The following NEBL variants were observed in gnomAD, a reference collection of about 807,000 sequenced individuals.
NEBL encodes the protein LIM and SH3 protein 2.
A neutral mutation model predicts 140.2 loss-of-function variants in NEBL; 122 were observed. The ratio of observed to expected loss-of-function variants is 0.87; its 90% CI spans 0.75 to 1.01. The LOEUF (loss-of-function observed/expected upper bound fraction) is 1.01, where lower values mean the gene tolerates loss of function less well. NEBL is among the 50% of genes least tolerant of loss of function. The pLI, the probability that NEBL is intolerant of heterozygous loss-of-function variation, is 0.00. For missense variants in NEBL, 1,365 were observed against 1,231.3 expected (o/e 1.11, Z -1.62); for synonymous variants, 436 against 398.9 (o/e 1.09, Z -1.11).
At position 20,977,855 on chromosome 10, in the gene NEBL, A is replaced by G. The variant is rs190161434; in HGVS notation, c.250-16076T>C. Among the ~76,000 whole-genome samples, 8 of 152,342 alleles carry G rather than the reference A, an allele frequency of 5.3e-5. No individual in the cohort carries two copies. In the East Asian group the frequency reaches 5.8e-4, roughly 11 times the overall value. On this transcript the variant is annotated intron_variant, in intron 3 of 6. Transcript: ENST00000417816. Reference sequence around the variant, plus strand: ...CTAATTCAGTCTTGCAATGCAAGGAATACTAAATACAGCCCCGGTTTTATC... The same window carrying G: ...CTAATTCAGTCTTGCAATGCAAGGAGTACTAAATACAGCCCCGGTTTTATC...
intron 2 of NEBL, among the ~76,000 whole-genome samples, chr10:21,079,610 C>A (rs897035288): frequency 6.6e-6 from 1 of 152,138 alleles, no homozygotes; most frequent in Admixed American, 6.6e-5. Flanking sequence ...AACTTCTCAC[C>A]CAAATAGAAG....
chr10:21,283,838 G>C (rs1045776793), intron 1 of NEBL, among the ~76,000 whole-genome samples: 3 of 151,920 alleles, frequency 2.0e-5, no homozygotes, highest in African/African-American at 7.3e-5. Context: ...GGCTTAGGTA[G>C]AGCAGCATGG....
intron 2 of NEBL, among the ~76,000 whole-genome samples, chr10:21,041,267 T>C (rs536963492): frequency 1.3e-5 from 2 of 152,328 alleles, no homozygotes; most frequent in Non-Finnish European, 2.9e-5. Context: ...CCATGTGTAT[T>C]CAATGGTTAG....
chr10:21,211,784 G>T (rs1841919558), intron 3 of NEBL, among the ~76,000 whole-genome samples: 1 of 152,144 alleles, frequency 6.6e-6, no homozygotes, highest in Admixed American at 6.5e-5. Context: ...GTTGGGGAAG[G>T]ATCCTCAAAC....
intron 2 of NEBL, chr10:21,029,262 C>G: frequency 6.3e-7 from 1 of 1,583,596 alleles, no homozygotes. Flanking sequence ...TCAACTGGAG[C>G]TTTCTTCCCA....
chr10:21,214,612 C>T (rs1841965681), intron 3 of NEBL, among the ~76,000 whole-genome samples: 1 of 151,820 alleles, frequency 6.6e-6, no homozygotes, highest in Non-Finnish European at 1.5e-5. Flanking sequence ...CACATGCACA[C>T]ACATGCACAC....
chr10:21,088,411 G>A (rs1273980813), intron 2 of NEBL, among the ~76,000 whole-genome samples: 1 of 152,126 alleles, frequency 6.6e-6, no homozygotes, highest in Non-Finnish European at 1.5e-5. Flanking sequence ...TTGAGCCCAG[G>A]AGTTCAAGGC....
chr10:21,157,775 A>C (rs1490139562), intron 2 of NEBL, among the ~76,000 whole-genome samples: 2 of 152,160 alleles, frequency 1.3e-5, no homozygotes, highest in African/African-American at 4.8e-5. Flanking sequence ...AGACCTCGGA[A>C]TGTGACCTAT....
At chr10:20,888,402 A>G (rs765144252) in intron 3 of NEBL, among the ~76,000 whole-genome samples, 195 bp from the exon 4 acceptor site, 2 of 152,246 alleles carry the variant, frequency 1.3e-5, no homozygotes, top group East Asian at 1.9e-4. Context: ...AATTTATCAT[A>G]GAGAACGCTT....
At chr10:21,144,221 AG>A (rs1043893410) in intron 2 of NEBL, among the ~76,000 whole-genome samples, 5 of 152,322 alleles carry the variant, frequency 3.3e-5, no homozygotes, top group African/African-American at 1.2e-4. Flanking sequence ...TCAGGCCCTC[AG>A]TTACCTTCAC....
chr10:21,224,890 A>T (rs2132248274), intron 3 of NEBL, among the ~76,000 whole-genome samples: 1 of 152,284 alleles, frequency 6.6e-6, no homozygotes, highest in East Asian at 1.9e-4. Flanking sequence ...TATCATCTCC[A>T]GTAGTTTTTT....
intron 7 of NEBL, among the ~76,000 whole-genome samples, chr10:20,861,514 T>C (rs1304881854): frequency 1.3e-5 from 2 of 152,156 alleles, no homozygotes; most frequent in African/African-American, 4.8e-5. Context: ...TCTGCTATAC[T>C]TTTACCATAT....
chr10:21,235,826 G>C (rs1398879282), intron 3 of NEBL, among the ~76,000 whole-genome samples: 3 of 152,274 alleles, frequency 2.0e-5, no homozygotes, highest in Non-Finnish European at 4.4e-5. Context: ...CAGAAAAAGT[G>C]TTTTACTACA....
chr10:21,133,479 T>C, intron 2 of NEBL, among the ~76,000 whole-genome samples: 1 of 152,200 alleles, frequency 6.6e-6, no homozygotes, highest in Middle Eastern at 3.2e-3. Context: ...GATTCCATCT[T>C]AATTCTACAG....
At chr10:20,977,320 G>A (rs752239514) in intron 3 of NEBL, among the ~76,000 whole-genome samples, 3 of 152,176 alleles carry the variant, frequency 2.0e-5, no homozygotes, top group Admixed American at 6.5e-5. Context: ...GTGGCAGGTC[G>A]TCTTCGTTCC....
chr10:21,162,458 C>G (rs1302758893), intron 2 of NEBL, among the ~76,000 whole-genome samples: 1 of 152,212 alleles, frequency 6.6e-6, no homozygotes, highest in Admixed American at 6.5e-5. Context: ...GATCTGTGCC[C>G]TTCATTTGCA....
intron 2 of NEBL, among the ~76,000 whole-genome samples, chr10:21,031,798 T>C (rs1315553398): frequency 6.6e-6 from 1 of 152,174 alleles, no homozygotes; most frequent in Non-Finnish European, 1.5e-5. Context: ...CTTCACTCAC[T>C]TCTTCCAGGA....
At chr10:21,284,036 TAAAAAAAA>T (rs5783774) in intron 1 of NEBL, among the ~76,000 whole-genome samples, 20 of 67,590 alleles carry the variant, frequency 3.0e-4, no homozygotes, top group Non-Finnish European at 3.4e-4. Context: ...TAATCTGCAC[TAAAAAAAA>T]AAAAAAAAAA....
chr10:21,176,994 C>A (rs1841311062), upstream of NEBL, among the ~76,000 whole-genome samples: 2 of 152,196 alleles, frequency 1.3e-5, no homozygotes, highest in South Asian at 4.1e-4. Context: ...AAAGGCCAAA[C>A]AATGGCTTTG....
Sources: allele counts gnomAD v4.1 joint callset (sites outside exome capture counted in the v4.1 genomes callset), GRCh38; gene constraint gnomAD v4.1.1; transcripts MANE v1.5; gene names NCBI Gene and HGNC (gene_info 2026-07-23, HGNC 2026-07-21).